The following SIDT1 variants were observed in gnomAD, a reference collection of about 807,000 sequenced individuals.
SIDT1 encodes SID1 transmembrane family, member 1.
In SIDT1, 101 loss-of-function variants were observed where a neutral mutation model predicts 107.5. The observed-to-expected ratio is 0.94, with a 90% CI of 0.80 to 1.11. The LOEUF (loss-of-function observed/expected upper bound fraction) is 1.11. Among genes scored for constraint, SIDT1 ranks in the 50% least tolerant of loss-of-function variants. The pLI, the probability that SIDT1 is intolerant of heterozygous loss-of-function variation, is 0.00. For synonymous variants in SIDT1, 395 were observed against 398.2 expected (o/e 0.99, Z 0.10); for missense variants, 1,076 against 1,058.2 (o/e 1.02, Z -0.23).
intron 1 of SIDT1, among the ~76,000 whole-genome samples, chr3:113,534,454 C>T (rs992489754): frequency 3.3e-5 from 5 of 152,232 alleles, no homozygotes; most frequent in African/African-American, 1.2e-4. Context: ...ACAGCCCTCA[C>T]CCTGCTCTGT....
At chr3:113,594,711 T>A (rs1560092881) in intron 10 of SIDT1, among the ~76,000 whole-genome samples, 1 of 151,792 alleles carries the variant, frequency 6.6e-6, no homozygotes, top group Non-Finnish European at 1.5e-5. Flanking sequence ...CGGAAACAAA[T>A]GAGTGACCAA....
chr3:113,557,657 A>T (rs1941020821), intron 1 of SIDT1, among the ~76,000 whole-genome samples: 1 of 152,224 alleles, frequency 6.6e-6, no homozygotes, highest in Admixed American at 6.5e-5. Context: ...TTTTCTATCC[A>T]GAGGAAGGTC....
At chr3:113,571,642 T>G (rs1183565784) in intron 3 of SIDT1, among the ~76,000 whole-genome samples, 1 of 152,092 alleles carries the variant, frequency 6.6e-6, no homozygotes, top group Non-Finnish European at 1.5e-5. Flanking sequence ...CATAGGAGGA[T>G]CTTAAGAAGG....
chr3:113,589,280 A>G (rs931992523), intron 9 of SIDT1, among the ~76,000 whole-genome samples: 1 of 152,144 alleles, frequency 6.6e-6, no homozygotes, highest in Non-Finnish European at 1.5e-5. Context: ...TTTATTCACT[A>G]GATACCACCT....
At chr3:113,607,268 T>TA (rs1293700365) in intron 15 of SIDT1, among the ~76,000 whole-genome samples, 154 bp downstream of exon 15, 1 of 152,236 alleles carries the variant, frequency 6.6e-6, no homozygotes, top group Non-Finnish European at 1.5e-5. Flanking sequence ...AGACCAGGTA[T>TA]GCTCCTCCCG....
In SIDT1 at chr3:113,581,728, C is replaced by T. The variant is rs1481858108; in HGVS notation, c.747+284C>T. Reference sequence around the variant, plus strand: ...TCTCCACTAAAAATACAAAAATTAGCTGGGCTTGGTGGTGCACACCTGCAA... The same window carrying T: ...TCTCCACTAAAAATACAAAAATTAGTTGGGCTTGGTGGTGCACACCTGCAA... On this transcript the variant is annotated intron_variant, in intron 6 of 24. Coordinates refer to ENST00000264852, the MANE Select transcript of SIDT1 (RefSeq NM_017699.3). 8 of 339,986 alleles carry T rather than the reference C, an allele frequency of 2.4e-5. No homozygotes were observed. The Admixed American group carries it at 2.5e-4, about 11-fold the overall frequency. 21.1% of individuals were successfully genotyped at this position (339,986 alleles called of 1,614,324 possible).
At chr3:113,569,063 T>C (rs1363998017) in intron 3 of SIDT1, among the ~76,000 whole-genome samples, 1 of 134,020 alleles carries the variant, frequency 7.5e-6, no homozygotes, top group Non-Finnish European at 1.5e-5. Context: ...TGCTTGAGCC[T>C]GGGAGGTGGA....
intron 1 of SIDT1, among the ~76,000 whole-genome samples, chr3:113,560,245 A>C (rs1198069166): frequency 6.6e-6 from 1 of 152,214 alleles, no homozygotes; most frequent in African/African-American, 2.4e-5. Flanking sequence ...CCCAACTTGT[A>C]GGAAGCCTGT....
intron 9 of SIDT1, among the ~76,000 whole-genome samples, chr3:113,586,286 T>C (rs1367173186): frequency 6.6e-6 from 1 of 152,100 alleles, no homozygotes; most frequent in Non-Finnish European, 1.5e-5. Flanking sequence ...AAAATAGAAG[T>C]GTATGAGTCC....
At chr3:113,551,266 T>C (rs973820576) in intron 1 of SIDT1, among the ~76,000 whole-genome samples, 1 of 152,232 alleles carries the variant, frequency 6.6e-6, no homozygotes, top group Non-Finnish European at 1.5e-5. Context: ...TTACATTCCT[T>C]TGGGCATATA....
chr3:113,542,204 T>C (rs1226573488), intron 1 of SIDT1, among the ~76,000 whole-genome samples: 1 of 152,182 alleles, frequency 6.6e-6, no homozygotes, highest in Non-Finnish European at 1.5e-5. Flanking sequence ...ATTACAGGTG[T>C]AAGCCACCAC....
intron 17 of SIDT1, among the ~76,000 whole-genome samples, chr3:113,609,086 A>G (rs1354814599): frequency 7.1e-5 from 8 of 113,128 alleles, no homozygotes; most frequent in Non-Finnish European, 1.4e-4. Context: ...TTTTTTTGAC[A>G]GAATCTGGCT....
intron 2 of SIDT1, among the ~76,000 whole-genome samples, chr3:113,567,328 G>T (rs1942012462): frequency 6.6e-6 from 1 of 152,198 alleles, no homozygotes. Context: ...GCACAGAACA[G>T]TCCTCACATC....
At chr3:113,564,558 A>AG (rs1339689408) in intron 1 of SIDT1, among the ~76,000 whole-genome samples, 2 of 152,046 alleles carry the variant, frequency 1.3e-5, no homozygotes, top group Non-Finnish European at 2.9e-5. Flanking sequence ...CTGGGGGCGG[A>AG]GGGGAGGATC....
At chr3:113,560,934 T>C (rs377610749) in intron 1 of SIDT1, among the ~76,000 whole-genome samples, 14 of 152,334 alleles carry the variant, frequency 9.2e-5, no homozygotes, top group Middle Eastern at 3.4e-3. Flanking sequence ...GAGATGGAAG[T>C]ACTTAAATAA....
intron 9 of SIDT1, among the ~76,000 whole-genome samples, chr3:113,587,255 T>C (rs767422116): frequency 2.6e-5 from 4 of 152,200 alleles, no homozygotes; most frequent in Non-Finnish European, 5.9e-5. Context: ...GTGAGAATGA[T>C]AAAAGCAAAT....
intron 3 of SIDT1, among the ~76,000 whole-genome samples, chr3:113,575,396 C>T (rs1424678377): frequency 1.3e-5 from 2 of 152,226 alleles, no homozygotes; most frequent in Non-Finnish European, 2.9e-5. Context: ...CCGGGAGACA[C>T]TCCCAGACTG....
At chr3:113,544,693 C>T (rs866339776) in intron 1 of SIDT1, among the ~76,000 whole-genome samples, 3 of 152,276 alleles carry the variant, frequency 2.0e-5, no homozygotes, top group South Asian at 4.2e-4. Flanking sequence ...ATCCTTAGTG[C>T]GTCGTATCAG....
intron 10 of SIDT1, among the ~76,000 whole-genome samples, chr3:113,599,833 T>C (rs937343311): frequency 2.6e-5 from 4 of 152,174 alleles, no homozygotes; most frequent in Non-Finnish European, 4.4e-5. Flanking sequence ...ATATAGTTAA[T>C]AATATTGCAT....
Sources: allele counts gnomAD v4.1 joint callset (sites outside exome capture counted in the v4.1 genomes callset), GRCh38; gene constraint gnomAD v4.1.1; transcripts MANE v1.5; gene names NCBI Gene and HGNC (gene_info 2026-07-23, HGNC 2026-07-21).